Variants in SCAF11 observed in about 807,000 individuals in gnomAD.
The protein encoded by SCAF11 is SR-related CTD associated factor 11, also known as protein SCAF11.
Under a neutral mutation model 140.5 loss-of-function variants are expected in SCAF11, and 47 were observed. The ratio of observed to expected loss-of-function variants is 0.33; its 90% confidence interval spans 0.26 to 0.43. The LOEUF (loss-of-function observed/expected upper bound fraction) is 0.43. Ranked by LOEUF, SCAF11 falls within the 20% of genes least tolerant of loss-of-function variation. SCAF11 has a pLI of 1.00. For synonymous variants in SCAF11, 557 were observed against 579.4 expected (o/e 0.96, Z 0.55); for missense variants, 1,645 against 1,705.1 (o/e 0.96, Z 0.62).
intron 4 of SCAF11, 96 bp downstream of exon 4, chr12:45,951,554 G>T: frequency 3.9e-6 from 3 of 772,572 alleles, no homozygotes; most frequent in Admixed American, 2.4e-5. Context: ...TAAACCTTAA[G>T]TTGAACAATT....
intron 11 of SCAF11, among the ~76,000 whole-genome samples, chr12:45,925,511 T>G (rs1200555739): frequency 1.3e-5 from 2 of 152,170 alleles, no homozygotes. Context: ...ATCATGCCAT[T>G]GCACTCCAGC....
At chr12:45,925,690 T>C (rs185238420) in intron 11 of SCAF11, among the ~76,000 whole-genome samples, 121 of 152,300 alleles carry the variant, frequency 7.9e-4, no homozygotes, top group African/African-American at 2.7e-3. Flanking sequence ...TATAAGGTTA[T>C]TCAATTTTTA....
chr12:45,928,761 G>C lies in SCAF11; in HGVS notation c.940C>G (p.Pro314Ala), dbSNP rs201224550. Residue 314 changes from proline to alanine, a missense_variant, in exon 11 of 15, where the codon CCT (proline) becomes GCT (alanine). Around this residue, in one of 2 missense-constraint regions of SCAF11, gnomAD observed 1,582 missense variants for 1,609.2 expected, o/e 0.98. Coordinates refer to ENST00000369367, the MANE Select transcript of SCAF11 (RefSeq NM_004719.3). Reference sequence around the variant, plus strand: ...CTCCTTGTAGGAGTTGTCATTGCAGGTTTTCGTCTTGATCCTCTGGTATTT... The same window carrying C: ...CTCCTTGTAGGAGTTGTCATTGCAGCTTTTCGTCTTGATCCTCTGGTATTT... ...TSNTRGSRRK[P>A]AMTTPTRRST... 6.2e-7 allele frequency: 1 copy of C among 1,613,270 alleles called. No homozygotes were observed. The highest frequency in any genetic ancestry group is 1.3e-5 in the African/African-American group (1 of 74,684).
rs1259062102 is a variant in SCAF11 at position 45,946,475 on chromosome 12, T to A, written c.399-1162A>T. 3.3e-5 allele frequency among the ~76,000 whole-genome samples: 5 copies of A among 152,240 alleles called. No individual in the cohort carries two copies. The South Asian group carries it at 6.2e-4, about 19-fold the overall frequency. ...TTGGTGGGCAAAGGCAAATTATTAA[T>A]TTTGCAGCTGTTATTTCCTTATGAC... is the stretch of plus-strand genomic sequence containing the variant. On this transcript the variant is annotated intron_variant, in intron 5 of 14. Transcript: ENST00000369367.
chr12:45,931,104 A>G (rs919398856), intron 10 of SCAF11: 1 of 152,284 alleles, frequency 6.6e-6, no homozygotes, highest in African/African-American at 2.4e-5. Context: ...CCCCTAATCT[A>G]CAATCTAGTT....
In SCAF11 at chr12:45,959,667, A is replaced by T. The variant is rs151120050; in HGVS notation, c.219+2033T>A. 7.2e-3 allele frequency among the ~76,000 whole-genome samples: 1,094 copies of T among 152,346 alleles called. 10 individuals are homozygous for T. The highest frequency in any genetic ancestry group is 0.025 in the African/African-American group (1,036 of 41,582). ...TGAAAGCACTTACATGCTTTGAAAC[A>T]TATCTATTTTTATCACAGCAATAAA... On this transcript the variant is annotated intron_variant, in intron 3 of 14. Transcript: ENST00000369367.
intron 1 of SCAF11, chr12:45,974,494 C>T (rs1230553711): frequency 1.2e-5 from 3 of 259,860 alleles, no homozygotes; most frequent in African/African-American, 2.2e-5. Flanking sequence ...GTGTTATCAA[C>T]TAAGTTTATA....
chr12:45,969,165 G>A (rs1212381147), intron 1 of SCAF11, among the ~76,000 whole-genome samples: 1 of 152,142 alleles, frequency 6.6e-6, no homozygotes, highest in Non-Finnish European at 1.5e-5. Flanking sequence ...GAGCACAACT[G>A]TTAAAAACCT....
At chr12:45,965,342 G>GC (rs1945920657) in intron 1 of SCAF11, among the ~76,000 whole-genome samples, 1 of 152,158 alleles carries the variant, frequency 6.6e-6, no homozygotes, top group South Asian at 2.1e-4. Flanking sequence ...GATTTGGTGA[G>GC]CAACTACAGT....
At chr12:45,991,803 G>C (rs1946618073), upstream of SCAF11, 1 of 1,051,848 alleles carries the variant, frequency 9.5e-7, no homozygotes, top group Non-Finnish European at 1.2e-6. Context: ...TCTACCAGCT[G>C]ACCTTCCAGT....
At chr12:45,961,500 A>T in intron 3 of SCAF11, 200 bp downstream of exon 3, 1 of 587,092 alleles carries the variant, frequency 1.7e-6, no homozygotes, top group South Asian at 2.5e-5. Context: ...TATGCATTTA[A>T]AATATTATTT....
At chr12:45,953,008 T>C (rs964693502) in intron 3 of SCAF11, among the ~76,000 whole-genome samples, 2 of 152,192 alleles carry the variant, frequency 1.3e-5, no homozygotes, top group African/African-American at 2.4e-5. Context: ...ACAAGTCACT[T>C]TGGGAGCAGC....
In SCAF11 at chr12:45,961,743, C is replaced by T. The variant is rs750233140; in HGVS notation, c.176G>A (p.Cys59Tyr). The T allele has an allele frequency of 3.1e-6, 5 of 1,613,022 alleles. No individual in the cohort carries two copies. The highest frequency in any genetic ancestry group is 2.2e-5 in the South Asian group (2 of 90,994). Reference protein sequence around the residue: ...LEKEVGFPESCNHVFCMTCIL... With the variant: ...LEKEVGFPESYNHVFCMTCIL... ...ACAAGTCATACAGAAGACATGATTA[C>T]AGCTTTCTGGAAAACCAACTTCCTT... Residue 59 changes from cysteine (C) to tyrosine (Y), a missense_variant, in exon 3 of 15, where the codon TGT becomes TAT. Cys to Tyr is a radical substitution (Grantham distance 194). Coordinates refer to ENST00000369367, the MANE Select transcript of SCAF11 (RefSeq NM_004719.3).
At chr12:45,943,830 A>T (rs1208008658) in intron 6 of SCAF11, among the ~76,000 whole-genome samples, 1 of 152,202 alleles carries the variant, frequency 6.6e-6, no homozygotes, top group Admixed American at 6.5e-5. Flanking sequence ...GCCTTAGATA[A>T]TGCTAACCTT....
chr12:45,987,018 A>C (rs1946473799), intron 1 of SCAF11, among the ~76,000 whole-genome samples: 1 of 152,192 alleles, frequency 6.6e-6, no homozygotes, highest in Non-Finnish European at 1.5e-5. Flanking sequence ...TTCTATATTA[A>C]GACAAATGAT....
chr12:45,983,333 G>A (rs1288333228), intron 1 of SCAF11, among the ~76,000 whole-genome samples: 3 of 152,064 alleles, frequency 2.0e-5, no homozygotes, highest in Admixed American at 1.3e-4. Flanking sequence ...AGCTCCCCTA[G>A]GGCACAGACC....
At chr12:45,972,937 T>TATAGATATAC (rs1661495320) in intron 1 of SCAF11, among the ~76,000 whole-genome samples, 1 of 16,300 alleles carries the variant, frequency 6.1e-5, no homozygotes, top group Admixed American at 4.4e-4. Context: ...TAGATATATA[T>TATAGATATAC]AGATATATAT....
intron 1 of SCAF11, among the ~76,000 whole-genome samples, chr12:45,973,886 A>G (rs369300770): frequency 1.3e-5 from 2 of 152,224 alleles, no homozygotes; most frequent in African/African-American, 4.8e-5. Context: ...ATGATGGAAG[A>G]TCAACAGAAA....
At chr12:45,954,446 A>AGG (rs1419079520) in intron 3 of SCAF11, among the ~76,000 whole-genome samples, 1 of 152,066 alleles carries the variant, frequency 6.6e-6, no homozygotes, top group Non-Finnish European at 1.5e-5. Context: ...CATGTTGCCC[A>AGG]GGGTGGTCTT....
Sources: allele counts gnomAD v4.1 joint callset (sites outside exome capture counted in the v4.1 genomes callset), GRCh38; gene constraint gnomAD v4.1.1; regional missense constraint gnomAD v4.1.1; transcripts MANE v1.5; gene names NCBI Gene and HGNC (gene_info 2026-07-23, HGNC 2026-07-21).